The following EPHX2 variants were observed in gnomAD, a reference collection of about 807,000 sequenced individuals.
EPHX2 encodes the protein epoxide hydrolase 2, also known as bifunctional epoxide hydrolase 2.
EPHX2 carries 74 observed loss-of-function variants against 78.7 expected under a neutral mutation model. That is an observed-to-expected ratio of 0.94 (90% CI 0.78 to 1.14). EPHX2 has a LOEUF of 1.14. EPHX2 is among the 50% of genes most tolerant of loss of function. The pLI is 0.00. For missense variants in EPHX2, 715 were observed against 702.5 expected (o/e 1.02, Z -0.20); for synonymous variants, 251 against 255.2 (o/e 0.98, Z 0.16).
At chr8:27,503,820 T>G in intron 3 of EPHX2, 57 bp downstream of exon 3, 2 of 1,567,790 alleles carry the variant, frequency 1.3e-6, no homozygotes, top group Non-Finnish European at 1.7e-6. Context: ...CTCGGGAGCA[T>G]TAGGTCAGAA....
At chr8:27,525,602 A>G (rs1814815575) in intron 12 of EPHX2, 129 bp downstream of exon 12, 15 of 853,266 alleles carry the variant, frequency 1.8e-5, no homozygotes, top group Middle Eastern at 2.2e-4. Context: ...GATTTTACAA[A>G]TGGGCTCAGG....
intron 9 of EPHX2, 124 bp from the exon 10 acceptor site, chr8:27,520,759 C>A (rs1585205893): frequency 8.8e-7 from 1 of 1,136,462 alleles, no homozygotes; most frequent in Non-Finnish European, 1.3e-6. Context: ...CAGTCCCATT[C>A]TGAGGCCCTG....
intron 15 of EPHX2, among the ~76,000 whole-genome samples, chr8:27,541,123 A>G (rs1162266345): frequency 2.0e-5 from 3 of 152,036 alleles, no homozygotes; most frequent in African/African-American, 7.3e-5. Context: ...CTGGATGGTG[A>G]GGCTGCTAAA....
chr8:27,543,718 T>G (rs1444178376), intron 16 of EPHX2, 31 bp from the exon 17 acceptor site: 2 of 1,611,918 alleles, frequency 1.2e-6, no homozygotes, highest in African/African-American at 1.3e-5. Flanking sequence ...TGTGGAGTGC[T>G]GGCCACTTCT....
intron 3 of EPHX2, 56 bp downstream of exon 3, chr8:27,503,819 A>G (rs1447233982): frequency 1.3e-6 from 2 of 1,568,282 alleles, no homozygotes; most frequent in South Asian, 1.1e-5. Flanking sequence ...CCTCGGGAGC[A>G]TTAGGTCAGA....
intron 3 of EPHX2, among the ~76,000 whole-genome samples, chr8:27,504,042 C>A (rs2132721577): frequency 6.6e-6 from 1 of 152,306 alleles, no homozygotes; most frequent in South Asian, 2.1e-4. Flanking sequence ...AGTAATGACC[C>A]AAATGACATG....
chr8:27,531,853 G>A (rs1198415364), intron 12 of EPHX2, among the ~76,000 whole-genome samples: 1 of 152,180 alleles, frequency 6.6e-6, no homozygotes, highest in African/African-American at 2.4e-5. Context: ...AGCTCTCCCT[G>A]TTAGGAGGGC....
intron 1 of EPHX2, chr8:27,492,730 A>G (rs1053824732): frequency 2.4e-5 from 4 of 167,498 alleles, no homozygotes; most frequent in African/African-American, 4.8e-5. Context: ...CCTTTTTTCA[A>G]TCCTCCCCGT....
intron 5 of EPHX2, among the ~76,000 whole-genome samples, chr8:27,510,224 G>A (rs77413904): frequency 0.028 from 4,242 of 152,266 alleles, 195 homozygotes; most frequent in African/African-American, 0.095. Flanking sequence ...TGAATTTTTC[G>A]TTGGGTTACG....
chr8:27,534,289 C>T (rs1047561141), intron 12 of EPHX2, among the ~76,000 whole-genome samples: 2 of 152,220 alleles, frequency 1.3e-5, no homozygotes, highest in Non-Finnish European at 2.9e-5. Flanking sequence ...TGATCAATGT[C>T]TCCATTCTTC....
At position 27,545,114 on chromosome 8, in the gene EPHX2, C is replaced by T. The variant is rs1815545550; in HGVS notation, c.*592C>T. 6.6e-6 allele frequency: 1 copy of T among 152,570 alleles called. No homozygotes were observed. The highest frequency in any genetic ancestry group is 2.1e-4 in the South Asian group (1 of 4,842). The allele number at this position is 152,570 out of a possible 1,614,324, so 9.5% of individuals were successfully genotyped here. On this transcript the variant is annotated 3_prime_UTR_variant, in exon 19 of 19. Transcript: ENST00000521400. The stretch of plus-strand genomic sequence containing the variant: ...CTTGTGCTCTGTCCCCTAGAGCAGT[C>T]ACTGGCCACAGGTAGCCACCTGCCT...
chr8:27,511,960 C>T (rs553409352), intron 6 of EPHX2, 50 bp downstream of exon 6: 2 of 1,566,678 alleles, frequency 1.3e-6, no homozygotes, highest in East Asian at 2.2e-5. Flanking sequence ...CACCAGGTCA[C>T]CTAAAACGAC....
At chr8:27,523,220 G>A (rs1481711797) in intron 11 of EPHX2, among the ~76,000 whole-genome samples, 1 of 152,178 alleles carries the variant, frequency 6.6e-6, no homozygotes, top group Non-Finnish European at 1.5e-5. Context: ...CTTAGGCTTT[G>A]GCATTCTCAA....
In EPHX2 at chr8:27,499,516, C is replaced by T. The variant is rs143919904; in HGVS notation, c.102-1410C>T. On this transcript the variant is annotated intron_variant, in intron 1 of 18. Transcript: ENST00000521400. ...CTTGACTATTATCAGAAATAAAGCTCCCAGGATGGGGATATTTGTTCTGTT... is the reference window on the plus strand; with the variant it reads ...CTTGACTATTATCAGAAATAAAGCTTCCAGGATGGGGATATTTGTTCTGTT... Among the ~76,000 whole-genome samples, 359 of 152,290 alleles carry T rather than the reference C, an allele frequency of 2.4e-3. 1 individual carries two copies. The highest frequency in any genetic ancestry group is 8.1e-3 in the African/African-American group (335 of 41,568).
chr8:27,526,760 T>A (rs181547985), intron 12 of EPHX2, among the ~76,000 whole-genome samples: 37 of 151,890 alleles, frequency 2.4e-4, no homozygotes, highest in Middle Eastern at 3.4e-3. Flanking sequence ...TTAAAAAAAA[T>A]TTTTTTTGAG....
At chr8:27,547,130 C>T (rs772501445), downstream of EPHX2, among the ~76,000 whole-genome samples, 16 of 152,184 alleles carry the variant, frequency 1.1e-4, no homozygotes, top group Non-Finnish European at 1.8e-4. Context: ...CTTCCAACAT[C>T]GTGGATTACA....
intron 2 of EPHX2, among the ~76,000 whole-genome samples, chr8:27,501,848 G>A (rs1563340793): frequency 6.6e-6 from 1 of 152,084 alleles, no homozygotes; most frequent in Non-Finnish European, 1.5e-5. Context: ...TGGCTAGAGG[G>A]AAGAAGCCTG....
At chr8:27,502,044 C>T (rs986502696) in intron 2 of EPHX2, among the ~76,000 whole-genome samples, 4 of 152,210 alleles carry the variant, frequency 2.6e-5, no homozygotes, top group African/African-American at 9.7e-5. Context: ...CACCAGCACC[C>T]AGATCAAGAA....
chr8:27,503,270 C>T (rs1429375925), intron 2 of EPHX2, among the ~76,000 whole-genome samples: 1 of 152,152 alleles, frequency 6.6e-6, no homozygotes, highest in African/African-American at 2.4e-5. Flanking sequence ...TATGAGCCAC[C>T]CAGCCTCTGG....
Sources: gnomAD v4.1 joint callset for allele counts (sites outside exome capture counted in the v4.1 genomes callset) on GRCh38, gnomAD v4.1.1 for gene constraint, MANE v1.5 for transcripts, NCBI Gene and HGNC (gene_info 2026-07-23, HGNC 2026-07-21) for gene names.